TCF4: variants seen among roughly 807,000 people sequenced by gnomAD.
TCF4 encodes the protein transcription factor 4.
Under a neutral mutation model 82.1 loss-of-function variants are expected in TCF4, and 3 were observed. The observed-to-expected ratio is 0.04, with a 90% confidence interval of 0.02 to 0.09. The LOEUF (loss-of-function observed/expected upper bound fraction) is 0.09. Ranked by LOEUF, TCF4 falls within the 10% of genes least tolerant of loss-of-function variation. The probability of loss-of-function intolerance (pLI) is 1.00; values close to 1 mark genes in which losing one functional copy is unlikely to be tolerated. For missense variants in TCF4, 518 were observed against 852.7 expected (o/e 0.61, Z 4.89); for synonymous variants, 276 against 309.6 (o/e 0.89, Z 1.14).
intron 3 of TCF4, among the ~76,000 whole-genome samples, chr18:55,489,483 C>A (rs550695221): frequency 1.3e-5 from 2 of 152,114 alleles, no homozygotes; most frequent in African/African-American, 4.8e-5. Flanking sequence ...TTAGTCATCA[C>A]CCCAAACAAG....
At chr18:55,362,470 A>C (rs1395996340) in intron 6 of TCF4, among the ~76,000 whole-genome samples, 1 of 151,504 alleles carries the variant, frequency 6.6e-6, no homozygotes. Flanking sequence ...TCTGACCCTG[A>C]CCTTTGGACT....
At chr18:55,431,919 C>G (rs943573772) in intron 5 of TCF4, among the ~76,000 whole-genome samples, 10 of 152,116 alleles carry the variant, frequency 6.6e-5, no homozygotes, top group African/African-American at 2.4e-4. Flanking sequence ...AGGGAGCTAC[C>G]AAAAGGCGGT....
At chr18:55,545,295 A>G (rs1041066102) in intron 3 of TCF4, among the ~76,000 whole-genome samples, 2 of 152,210 alleles carry the variant, frequency 1.3e-5, no homozygotes, top group Admixed American at 1.3e-4. Flanking sequence ...ACATCCGTCT[A>G]TGTAAACATT....
At chr18:55,589,991 G>A (rs1051294174), upstream of TCF4, 3 of 217,506 alleles carry the variant, frequency 1.4e-5, no homozygotes, top group African/African-American at 2.3e-5. Flanking sequence ...CGTCGCGCGT[G>A]GGGCGGCACT....
At chr18:55,252,421 G>A (rs746943959) in intron 15 of TCF4, among the ~76,000 whole-genome samples, 8 of 151,694 alleles carry the variant, frequency 5.3e-5, no homozygotes, top group Non-Finnish European at 8.8e-5. Flanking sequence ...TGTAATATTG[G>A]CTAATTATTT....
At chr18:55,245,402 C>T (rs1347803757) in intron 15 of TCF4, among the ~76,000 whole-genome samples, 1 of 152,220 alleles carries the variant, frequency 6.6e-6, no homozygotes, top group Admixed American at 6.5e-5. Context: ...TGAATTACTT[C>T]ATGAGTTGCT....
intron 3 of TCF4, among the ~76,000 whole-genome samples, chr18:55,527,369 T>C (rs573916514): frequency 1.3e-5 from 2 of 152,294 alleles, no homozygotes; most frequent in East Asian, 1.9e-4. Flanking sequence ...AATCCACCCA[T>C]TACTGTTTCC....
chr18:55,356,568 A>G (rs1185149021), intron 6 of TCF4, among the ~76,000 whole-genome samples: 2 of 152,210 alleles, frequency 1.3e-5, no homozygotes, highest in East Asian at 3.9e-4. Flanking sequence ...AACCAACTAG[A>G]TATACAAAAA....
At chr18:55,250,553 A>G (rs1334277914) in intron 15 of TCF4, among the ~76,000 whole-genome samples, 1 of 152,208 alleles carries the variant, frequency 6.6e-6, no homozygotes, top group Non-Finnish European at 1.5e-5. Flanking sequence ...AGGACTTGAG[A>G]CTAACTGCTC....
chr18:55,325,932 C>T (rs538514043), intron 8 of TCF4, among the ~76,000 whole-genome samples: 29 of 152,226 alleles, frequency 1.9e-4, no homozygotes, highest in African/African-American at 5.8e-4. Context: ...GCTAATAAAA[C>T]GACACTTAAT....
intron 8 of TCF4, among the ~76,000 whole-genome samples, chr18:55,283,644 T>A (rs1474717308): frequency 6.6e-6 from 1 of 152,180 alleles, no homozygotes; most frequent in Non-Finnish European, 1.5e-5. Context: ...CCAGCTTGGG[T>A]CTGACTGCAA....
At chr18:55,270,558 C>A (rs1440963430) in intron 10 of TCF4, among the ~76,000 whole-genome samples, 1 of 152,092 alleles carries the variant, frequency 6.6e-6, no homozygotes, top group Admixed American at 6.6e-5. Context: ...ATTGACTATA[C>A]TGAATTAAAT....
At chr18:55,278,860 C>T (rs2061976412) in intron 9 of TCF4, among the ~76,000 whole-genome samples, 2 of 152,198 alleles carry the variant, frequency 1.3e-5, no homozygotes, top group South Asian at 4.1e-4. Context: ...AGCCACCGCA[C>T]TCGGCCACAT....
rs2097671374 is a variant in TCF4, at chr18:55,588,167, C to T, written c.-150G>A. 9.0e-7 allele frequency: 1 copy of T among 1,116,122 alleles called. No individual in the cohort carries two copies. The highest frequency in any genetic ancestry group is 1.1e-6 in the Non-Finnish European group (1 of 919,682). The allele number at this position is 1,116,122 out of a possible 1,614,324, so 69.1% of individuals were successfully genotyped here. On this transcript the variant is annotated 5_prime_UTR_variant, in exon 1 of 20. Transcript: ENST00000354452. Reference sequence around the variant, plus strand: ...GCGCCTGCTGCCTCCCCGCCGCCGCCGCCGCCGCCGCCACTACAGATCCGC... The same window carrying T: ...GCGCCTGCTGCCTCCCCGCCGCCGCTGCCGCCGCCGCCACTACAGATCCGC...
intron 19 of TCF4, 88 bp from the exon 20 acceptor site, chr18:55,228,118 G>A: frequency 1.4e-6 from 2 of 1,453,650 alleles, no homozygotes; most frequent in African/African-American, 1.4e-5. Context: ...CTTTTTCCAT[G>A]AAAGAAAATA....
At chr18:55,481,814 T>C (rs2096439274) in intron 3 of TCF4, among the ~76,000 whole-genome samples, 1 of 152,216 alleles carries the variant, frequency 6.6e-6, no homozygotes, top group Non-Finnish European at 1.5e-5. Flanking sequence ...TCTCAAGAAA[T>C]AGACTTATGC....
At chr18:55,576,315 T>C (rs924232926) in intron 3 of TCF4, among the ~76,000 whole-genome samples, 1 of 152,292 alleles carries the variant, frequency 6.6e-6, no homozygotes, top group South Asian at 2.1e-4. Context: ...TTTTGGGAAG[T>C]AGGGACACAA....
At chr18:55,496,408 A>T (rs1475268685) in intron 3 of TCF4, 1 of 81,186 alleles carries the variant, frequency 1.2e-5, no homozygotes, top group African/African-American at 3.2e-5. Context: ...CAAAAAAACT[A>T]AAAAAAAAAA....
intron 3 of TCF4, among the ~76,000 whole-genome samples, chr18:55,564,347 G>A (rs954926540): frequency 1.3e-5 from 2 of 152,230 alleles, no homozygotes; most frequent in African/African-American, 2.4e-5. Flanking sequence ...GAGAAAGCAT[G>A]CTCTGTTTGA....
Sources: allele counts gnomAD v4.1 joint callset (sites outside exome capture counted in the v4.1 genomes callset), GRCh38; gene constraint gnomAD v4.1.1; transcripts MANE v1.5; gene names NCBI Gene and HGNC (gene_info 2026-07-23, HGNC 2026-07-21).